AGBL1: variants seen among roughly 807,000 people sequenced by gnomAD.
The protein encoded by AGBL1 is AGBL carboxypeptidase 1.
AGBL1 carries 130 observed loss-of-function variants against 118.9 expected under a neutral mutation model. The ratio of observed to expected loss-of-function variants is 1.09; its 90% CI spans 0.95 to 1.26. The LOEUF is 1.26. AGBL1 is among the 50% of genes most tolerant of loss of function. AGBL1 has a pLI of 0.00. For synonymous variants in AGBL1, 555 were observed against 478.9 expected, an observed-to-expected ratio of 1.16 and a Z score of -2.08; for missense variants, 1,584 against 1,298.1, an observed-to-expected ratio of 1.22 and a Z score of -3.38.
intron 18 of AGBL1, among the ~76,000 whole-genome samples, chr15:86,453,692 A>G (rs1019950203): frequency 1.3e-5 from 2 of 152,112 alleles, no homozygotes; most frequent in Non-Finnish European, 2.9e-5. Flanking sequence ...AAAATAACTG[A>G]TTTCAGTGTT....
chr15:86,547,130 A>G (rs1361991444), intron 20 of AGBL1, among the ~76,000 whole-genome samples: 4 of 152,300 alleles, frequency 2.6e-5, no homozygotes, highest in Middle Eastern at 3.4e-3. Flanking sequence ...TCAACAGCTT[A>G]TCCTCAATAA....
intron 21 of AGBL1, among the ~76,000 whole-genome samples, chr15:86,600,535 T>C (rs1239385994): frequency 1.3e-5 from 2 of 152,130 alleles, no homozygotes; most frequent in African/African-American, 4.8e-5. Flanking sequence ...GACTGTGTTC[T>C]AGGAATAGTC....
intron 5 of AGBL1, among the ~76,000 whole-genome samples, chr15:86,218,307 C>A (rs2078222561): frequency 6.6e-6 from 1 of 152,092 alleles, no homozygotes; most frequent in South Asian, 2.1e-4. Flanking sequence ...GCATGTTCAA[C>A]TTCTGGGAAG....
intron 18 of AGBL1, among the ~76,000 whole-genome samples, chr15:86,495,742 C>T (rs2082843752): frequency 6.6e-6 from 1 of 151,738 alleles, no homozygotes; most frequent in Non-Finnish European, 1.5e-5. Context: ...AATAAATATT[C>T]AATATATGGT....
intron 22 of AGBL1, among the ~76,000 whole-genome samples, chr15:86,882,383 C>CCTCTTTG (rs1270429817): frequency 2.7e-4 from 41 of 152,110 alleles, no homozygotes; most frequent in Non-Finnish European, 4.9e-4. Context: ...ACATTTTATG[C>CCTCTTTG]CTCTTTGTAA....
chr15:86,169,754 G>A (rs2077389800), intron 5 of AGBL1, among the ~76,000 whole-genome samples: 1 of 152,212 alleles, frequency 6.6e-6, no homozygotes, highest in Middle Eastern at 3.2e-3. Context: ...TTAATCCACA[G>A]TTGGTTGAAT....
chr15:86,351,281 T>C (rs2080622289), intron 17 of AGBL1, among the ~76,000 whole-genome samples: 1 of 152,134 alleles, frequency 6.6e-6, no homozygotes, highest in Admixed American at 6.5e-5. Flanking sequence ...ACAAACCCAC[T>C]CCTATGATAA....
Position 86,914,243 on chromosome 15 carries a change from C to T in AGBL1, c.*6949C>T, listed in dbSNP as rs1265243237. The T allele has an allele frequency of 6.6e-6, 1 of 152,234 alleles. No homozygotes were observed. The highest frequency in any genetic ancestry group is 1.5e-5 in the Non-Finnish European group (1 of 68,036). The allele number at this position is 152,234 out of a possible 1,614,324, so 9.4% of individuals were successfully genotyped here. A position where few individuals can be genotyped will look rare whatever the true frequency, so the allele number is the denominator to read the frequency against. The stretch of plus-strand genomic sequence containing the variant: ...GTAGAAGACTATCAACCAGACCCCA[C>T]CCACACTTCATTCTGAAGAGGAAGT... On this transcript the variant is annotated 3_prime_UTR_variant, in exon 23 of 23. Transcript: ENST00000614907.
intron 24 of AGBL1, among the ~76,000 whole-genome samples, chr15:86,992,529 G>T (rs2081344645): frequency 6.6e-6 from 1 of 152,006 alleles, no homozygotes; most frequent in South Asian, 2.1e-4. Flanking sequence ...CCAGCTATTT[G>T]CTGGAACCAG....
intron 21 of AGBL1, among the ~76,000 whole-genome samples, chr15:86,658,766 A>G (rs2085497730): frequency 6.6e-6 from 1 of 152,160 alleles, no homozygotes; most frequent in Admixed American, 6.6e-5. Context: ...CCCCATTAAT[A>G]ATTTAGCACT....
At chr15:86,156,049 G>A (rs963383424) in intron 4 of AGBL1, among the ~76,000 whole-genome samples, 3 of 151,990 alleles carry the variant, frequency 2.0e-5, no homozygotes, top group African/African-American at 7.2e-5. Flanking sequence ...AGCCTCCCGA[G>A]TAGCTGGGAT....
At position 86,935,725 on chromosome 15, in the gene AGBL1, CTTG is replaced by C. The variant is rs150326666; in HGVS notation, c.3222-52254_3222-52252del. Among the ~76,000 whole-genome samples, 1,319 of 152,274 alleles carry C rather than the reference CTTG, an allele frequency of 8.7e-3. 16 individuals are homozygous for C. The highest frequency in any genetic ancestry group is 0.03 in the African/African-American group (1,267 of 41,546). On this transcript the variant is annotated intron_variant, in intron 23 of 24. Coordinates refer to the AGBL1 transcript ENST00000441037. The stretch of plus-strand genomic sequence containing the variant: ...TGTCAAGTCTGACTAAAAATGAAAT[CTTG>C]TTGTTGTCATGCTGTGGGATTTGCA...
chr15:86,354,966 A>G (rs2080689791), intron 17 of AGBL1, among the ~76,000 whole-genome samples: 1 of 152,226 alleles, frequency 6.6e-6, no homozygotes, highest in South Asian at 2.1e-4. Context: ...TTGAAGATGG[A>G]GGCAGGAAGC....
intron 20 of AGBL1, among the ~76,000 whole-genome samples, chr15:86,551,773 T>C (rs1694611702): frequency 6.6e-6 from 1 of 152,126 alleles, no homozygotes; most frequent in Non-Finnish European, 1.5e-5. Flanking sequence ...AGCCCAATAT[T>C]TGTTATAAAC....
At chr15:86,090,190 C>T (rs1482765294) in intron 1 of AGBL1, among the ~76,000 whole-genome samples, 1 of 152,114 alleles carries the variant, frequency 6.6e-6, no homozygotes, top group East Asian at 1.9e-4. Context: ...AATTTAAACA[C>T]TGGCAGTCTG....
intron 18 of AGBL1, among the ~76,000 whole-genome samples, chr15:86,416,032 C>G (rs1259176524): frequency 6.6e-6 from 1 of 152,112 alleles, no homozygotes; most frequent in Non-Finnish European, 1.5e-5. Flanking sequence ...GCATTTTCTG[C>G]TGTGTTCTTT....
At chr15:86,835,520 C>A (rs1005624877) in intron 22 of AGBL1, among the ~76,000 whole-genome samples, 1 of 151,770 alleles carries the variant, frequency 6.6e-6, no homozygotes, top group African/African-American at 2.4e-5. Flanking sequence ...TTGGAAATAC[C>A]GTAGAAAAAG....
At chr15:86,391,992 G>T (rs952459232) in intron 17 of AGBL1, among the ~76,000 whole-genome samples, 28 of 151,904 alleles carry the variant, frequency 1.8e-4, no homozygotes, top group Non-Finnish European at 7.4e-5. Flanking sequence ...TTCTTCTCCT[G>T]TGGTGCCTTA....
At chr15:86,538,672 AT>A (rs1480082305) in intron 19 of AGBL1, among the ~76,000 whole-genome samples, 2 of 152,120 alleles carry the variant, frequency 1.3e-5, no homozygotes, top group Non-Finnish European at 2.9e-5. Context: ...CCTTGCCTTC[AT>A]TTTCCTGTGA....
Sources: allele counts gnomAD v4.1 joint callset (sites outside exome capture counted in the v4.1 genomes callset), GRCh38; gene constraint gnomAD v4.1.1; transcripts MANE v1.5; gene names NCBI Gene and HGNC (gene_info 2026-07-23, HGNC 2026-07-21).